BRWD3: variants seen among roughly 807,000 people sequenced by gnomAD.
BRWD3 encodes the protein bromodomain and WD repeat-containing protein 3.
Under a neutral mutation model 149.7 loss-of-function variants are expected in BRWD3, and 10 were observed. That is an observed-to-expected ratio of 0.07 (90% CI 0.04 to 0.11). BRWD3 has a LOEUF of 0.11. Ranked by LOEUF, BRWD3 falls within the 10% of genes least tolerant of loss-of-function variation. BRWD3 has a pLI of 1.00. For missense variants in BRWD3, 940 were observed against 1,373.2 expected (o/e 0.68, Z 4.99); for synonymous variants, 504 against 456.7 (o/e 1.10, Z -1.32).
At chrX:80,719,392 AT>A in intron 18 of BRWD3, 96 bp downstream of exon 18, 1 of 834,050 alleles carries the variant, frequency 1.2e-6, no homozygotes, top group East Asian at 3.5e-5. Context: ...AAAAGTTTTT[AT>A]TTATAAACGT....
Position 80,722,692 on chromosome X carries a change from G to T in BRWD3, c.1746C>A (p.His582Gln). ...CCACCAAAAATGGAGGAGGCATGAG[G>T]TGAGGAGCTTGTTGGGTTTGTTCAT... is the stretch of plus-strand genomic sequence containing the variant. ...VLDEQTQQAP[H>Q]LMPPPFLVDV... Residue 582 changes from histidine to glutamine, a missense_variant, in exon 17 of 41, where the codon CAC becomes CAA. This residue lies in a region of BRWD3 where 209 missense variants were observed against 396.8 expected (regional missense o/e 0.53). Transcript: ENST00000373275. The T allele has an allele frequency of 8.3e-7, 1 of 1,210,356 alleles. No individual in the cohort carries two copies.
chrX:80,716,366 G>A lies in BRWD3; in HGVS notation c.2232-116C>T, dbSNP rs886205923. 22 of 596,464 alleles carry A rather than the reference G, an allele frequency of 3.7e-5. No individual in the cohort carries two copies. In the Admixed American group the frequency reaches 5.8e-4, roughly 16 times the overall value. 49.2% of individuals were successfully genotyped at this position (596,464 alleles called of 1,213,427 possible). ...AATTTGCCACTTGAACTATTTTTAAGCATATAATTCAGTGGCATCAATTAC... is the reference window on the plus strand; with the variant it reads ...AATTTGCCACTTGAACTATTTTTAAACATATAATTCAGTGGCATCAATTAC... On this transcript the variant is annotated intron_variant, in intron 19 of 40. Coordinates refer to ENST00000373275, the MANE Select transcript of BRWD3 (RefSeq NM_153252.5).
At position 80,670,173 on chromosome X, in the gene BRWD3, A is replaced by G. The variant is rs1217943577; in HGVS notation, c.*6436T>C. Among the ~76,000 whole-genome samples the G allele has an allele frequency of 1.8e-5, 2 of 111,146 alleles. No homozygotes were observed. Among genetic ancestry groups the G allele is most frequent in the Non-Finnish European group, 3.8e-5 (2 of 53,044 alleles). ...ACTTTGGGGGAAAAATCGATACCGT[A>G]AAAAGTTTACTTCATTTAATATTAT... On this transcript the variant is annotated 3_prime_UTR_variant, in exon 41 of 41. Coordinates refer to ENST00000373275, the MANE Select transcript of BRWD3 (RefSeq NM_153252.5).
At chrX:80,801,767 G>A (rs2074300327) in intron 4 of BRWD3, among the ~76,000 whole-genome samples, 1 of 110,697 alleles carries the variant, frequency 9.0e-6, no homozygotes. Context: ...GCTTGAGCCC[G>A]GGAAGTGGAG....
At chrX:80,783,385 A>G (rs1470482348) in intron 6 of BRWD3, among the ~76,000 whole-genome samples, 34 of 16,321 alleles carry the variant, frequency 2.1e-3, no homozygotes, top group Non-Finnish European at 0.014. Flanking sequence ...GACCCTGTCT[A>G]AAAAAAAAAA....
intron 14 of BRWD3, among the ~76,000 whole-genome samples, chrX:80,725,399 T>C (rs1251911078): frequency 8.9e-6 from 1 of 111,937 alleles, no homozygotes; most frequent in African/African-American, 3.2e-5. Flanking sequence ...ACAGAATCTT[T>C]CAATAACACC....
At chrX:80,745,461 A>G in intron 7 of BRWD3, 108 bp downstream of exon 7, 1 of 722,151 alleles carries the variant, frequency 1.4e-6, no homozygotes, top group Non-Finnish European at 2.1e-6. Flanking sequence ...CTGCACCCAT[A>G]TATCCAAAAA....
intron 25 of BRWD3, among the ~76,000 whole-genome samples, chrX:80,697,521 A>T (rs949731168): frequency 9.0e-6 from 1 of 110,659 alleles, no homozygotes; most frequent in Non-Finnish European, 1.9e-5. Context: ...TTCCATCTAC[A>T]TGTCCAGTTG....
chrX:80,681,511 A>C lies in BRWD3; in HGVS notation c.4496-12T>G, dbSNP rs1245480975. The stretch of plus-strand genomic sequence containing the variant: ...AGCAGCATCTGAAACTTACATTTTA[A>C]AAGATTTTAATACTAACATAATTAT... On this transcript the variant is annotated splice_polypyrimidine_tract_variant and intron_variant, in intron 39 of 40. Transcript: ENST00000373275. 1 of 1,179,847 alleles carries C rather than the reference A, an allele frequency of 8.5e-7. No homozygotes were observed. Among genetic ancestry groups the C allele is most frequent in the Admixed American group, 2.2e-5 (1 of 45,806 alleles).
intron 8 of BRWD3, among the ~76,000 whole-genome samples, chrX:80,742,877 T>C (rs1355301598): frequency 9.0e-6 from 1 of 111,514 alleles, no homozygotes; most frequent in Non-Finnish European, 1.9e-5. Flanking sequence ...CCTAATTGAA[T>C]ACCCTTTATT....
chrX:80,768,073 A>T (rs1409075436), intron 6 of BRWD3, among the ~76,000 whole-genome samples: 1 of 111,855 alleles, frequency 8.9e-6, no homozygotes, highest in Non-Finnish European at 1.9e-5. Context: ...AGAAATATGG[A>T]ACTATGTGAA....
intron 6 of BRWD3, among the ~76,000 whole-genome samples, chrX:80,749,439 C>G (rs922107820): frequency 9.0e-6 from 1 of 111,672 alleles, no homozygotes. Context: ...TCTATCATTA[C>G]ATATGACGTT....
At chrX:80,792,078 AAAT>A (rs2074187956) in intron 5 of BRWD3, 126 bp from the exon 6 acceptor site, 1 of 486,813 alleles carries the variant, frequency 2.1e-6, no homozygotes, top group East Asian at 3.7e-5. Context: ...ACCAAAATGA[AAAT>A]AATAGGCATA....
chrX:80,802,472 A>T (rs1263979754), intron 4 of BRWD3, among the ~76,000 whole-genome samples: 1 of 107,381 alleles, frequency 9.3e-6, no homozygotes, highest in Non-Finnish European at 1.9e-5. Context: ...AAAAAAATTA[A>T]AAATTAAGAA....
At chrX:80,762,565 T>TG (rs772459773) in intron 6 of BRWD3, among the ~76,000 whole-genome samples, 3 of 104,804 alleles carry the variant, frequency 2.9e-5, no homozygotes, top group Admixed American at 2.1e-4. Context: ...GGGTATGTGT[T>TG]GGGGGGGTGG....
In BRWD3 at chrX:80,700,213, T is replaced by A. The variant is rs2072761382; in HGVS notation, c.2836-149A>T. The A allele has an allele frequency of 6.3e-6, 3 of 478,832 alleles. No homozygotes were observed. The Admixed American group carries it at 1.1e-4, about 17-fold the overall frequency. The allele number at this position is 478,832 out of a possible 1,213,427, so 39.5% of individuals were successfully genotyped here. On this transcript the variant is annotated intron_variant, in intron 24 of 40. Transcript: ENST00000373275. Reference sequence around the variant, plus strand: ...TATACAATAAAGGTTTCAAATGATGTTAATTCAGTATTCATGCCTACGTAG... The same window carrying A: ...TATACAATAAAGGTTTCAAATGATGATAATTCAGTATTCATGCCTACGTAG...
intron 19 of BRWD3, among the ~76,000 whole-genome samples, chrX:80,716,631 T>C (rs1234693290): frequency 8.9e-6 from 1 of 112,361 alleles, no homozygotes; most frequent in Non-Finnish European, 1.9e-5. Context: ...TTATCCACGT[T>C]GTAGCAGGTA....
intron 24 of BRWD3, among the ~76,000 whole-genome samples, chrX:80,701,013 TCTAA>T (rs1244809951): frequency 2.7e-5 from 3 of 110,691 alleles, no homozygotes; most frequent in Admixed American, 9.7e-5. Flanking sequence ...TAACTGACAC[TCTAA>T]CTATCAAAAT....
intron 14 of BRWD3, among the ~76,000 whole-genome samples, chrX:80,727,809 C>A (rs939526043): frequency 1.9e-4 from 21 of 111,245 alleles, no homozygotes; most frequent in Non-Finnish European, 3.2e-4. Flanking sequence ...CCTCCCATAT[C>A]AAATTTGGTT....
Sources: gnomAD v4.1 joint callset for allele counts (sites outside exome capture counted in the v4.1 genomes callset) on GRCh38, gnomAD v4.1.1 for gene constraint, gnomAD v4.1.1 regional missense constraint, MANE v1.5 for transcripts, NCBI Gene and HGNC (gene_info 2026-07-23, HGNC 2026-07-21) for gene names.